Variants in SLC4A4 observed in about 807,000 individuals in gnomAD.
SLC4A4 encodes solute carrier family 4 member 4.
SLC4A4 carries 27 observed loss-of-function variants against 111.5 expected under a neutral mutation model. The ratio of observed to expected loss-of-function variants is 0.24; its 90% CI spans 0.18 to 0.33. The LOEUF (loss-of-function observed/expected upper bound fraction) is 0.33, where lower values mean the gene tolerates loss of function less well. Among genes scored for constraint, SLC4A4 ranks in the 10% least tolerant of loss-of-function variants. The pLI is 1.00. For missense variants in SLC4A4, 909 were observed against 1,315.5 expected, an observed-to-expected ratio of 0.69 and a Z score of 4.78; for synonymous variants, 443 against 463.4, an observed-to-expected ratio of 0.96 and a Z score of 0.57.
intron 7 of SLC4A4, among the ~76,000 whole-genome samples, chr4:71,423,252 A>G (rs566166251): frequency 1.3e-4 from 20 of 152,312 alleles, no homozygotes; most frequent in African/African-American, 4.6e-4. Context: ...CTTCAAAGAG[A>G]ATAAAATACC....
At chr4:71,380,236 A>G (rs1289775232) in intron 6 of SLC4A4, among the ~76,000 whole-genome samples, 2 of 152,178 alleles carry the variant, frequency 1.3e-5, no homozygotes, top group Non-Finnish European at 2.9e-5. Flanking sequence ...CATGACTGAG[A>G]TATCACAAAC....
At chr4:71,512,859 A>G (rs1465927480) in intron 16 of SLC4A4, among the ~76,000 whole-genome samples, 2 of 152,082 alleles carry the variant, frequency 1.3e-5, no homozygotes, top group African/African-American at 2.4e-5. Flanking sequence ...TGGGTATCCA[A>G]TTTTCCCAGC....
At chr4:71,286,004 C>T (rs568311447) in intron 3 of SLC4A4, among the ~76,000 whole-genome samples, 2 of 152,106 alleles carry the variant, frequency 1.3e-5, no homozygotes, top group Admixed American at 1.3e-4. Flanking sequence ...TTTGGGAGGC[C>T]GAGGTGGGTG....
chr4:71,320,267 T>C (rs1208193293), intron 3 of SLC4A4, among the ~76,000 whole-genome samples: 1 of 152,030 alleles, frequency 6.6e-6, no homozygotes, highest in Non-Finnish European at 1.5e-5. Context: ...ACTGGGTTGC[T>C]TTTATCTCAG....
chr4:71,236,014 A>G (rs938497251), intron 1 of SLC4A4: 42 of 987,960 alleles, frequency 4.3e-5, no homozygotes, highest in Non-Finnish European at 4.7e-5. Context: ...AACAGAGAAT[A>G]CTGGGCTGTG....
Position 71,560,080 on chromosome 4 carries a change from T to C in SLC4A4, c.2938-13T>C. 1 of 1,599,312 alleles carries C rather than the reference T, an allele frequency of 6.3e-7. No homozygotes were observed. Among genetic ancestry groups the C allele is most frequent in the Non-Finnish European group, 8.6e-7 (1 of 1,167,468 alleles). Reference sequence around the variant, plus strand: ...CATGGTTTCTTTCATACTTTTAATATTTGCTCTTTCAGATCTTGGCACTTG... The same window carrying C: ...CATGGTTTCTTTCATACTTTTAATACTTGCTCTTTCAGATCTTGGCACTTG... On this transcript the variant is annotated splice_polypyrimidine_tract_variant and intron_variant, in intron 22 of 25. Coordinates refer to ENST00000264485, the MANE Select transcript of SLC4A4 (RefSeq NM_001098484.3).
At chr4:71,414,453 GTGTT>G (rs1345859074) in intron 7 of SLC4A4, among the ~76,000 whole-genome samples, 1 of 152,232 alleles carries the variant, frequency 6.6e-6, no homozygotes, top group Non-Finnish European at 1.5e-5. Context: ...TTCTGCATAA[GTGTT>G]TGTCAATCCA....
At chr4:71,442,153 G>A (rs1409315380) in intron 8 of SLC4A4, among the ~76,000 whole-genome samples, 1 of 152,050 alleles carries the variant, frequency 6.6e-6, no homozygotes, top group Non-Finnish European at 1.5e-5. Context: ...TTCTTTAGAA[G>A]GTACAAATAA....
intron 7 of SLC4A4, among the ~76,000 whole-genome samples, chr4:71,405,054 G>A (rs1440414729): frequency 6.6e-6 from 1 of 151,734 alleles, no homozygotes. Flanking sequence ...GGGCTCAAGC[G>A]ATCTGCCTGT....
intron 15 of SLC4A4, among the ~76,000 whole-genome samples, chr4:71,490,878 C>T (rs1560555966): frequency 6.6e-6 from 1 of 151,746 alleles, no homozygotes; most frequent in Non-Finnish European, 1.5e-5. Flanking sequence ...ATGGCACACA[C>T]CTGTAGGGTT....
intron 3 of SLC4A4, among the ~76,000 whole-genome samples, chr4:71,311,273 TAGAC>T (rs1369592931): frequency 4.9e-4 from 74 of 152,198 alleles, no homozygotes; most frequent in Non-Finnish European, 1.8e-4. Flanking sequence ...CTGTCAATAT[TAGAC>T]AGATCAACGA....
intron 1 of SLC4A4, among the ~76,000 whole-genome samples, chr4:71,195,362 G>A (rs561665603): frequency 6.7e-6 from 1 of 149,784 alleles, no homozygotes; most frequent in East Asian, 2.0e-4. Context: ...AATAACATAA[G>A]TCAGTCTACA....
chr4:71,330,573 A>G (rs1479321916), intron 3 of SLC4A4, among the ~76,000 whole-genome samples: 2 of 152,240 alleles, frequency 1.3e-5, no homozygotes, highest in Non-Finnish European at 2.9e-5. Context: ...CACCTTATAC[A>G]AAAATTAATT....
At chr4:71,226,596 A>AAACAT (rs1560792851) in intron 1 of SLC4A4, among the ~76,000 whole-genome samples, 1 of 152,174 alleles carries the variant, frequency 6.6e-6, no homozygotes, top group African/African-American at 2.4e-5. Flanking sequence ...ATTCAACCAT[A>AAACAT]AACATAATAC....
At chr4:71,533,401 G>A (rs1348526395) in intron 17 of SLC4A4, among the ~76,000 whole-genome samples, 1 of 152,138 alleles carries the variant, frequency 6.6e-6, no homozygotes, top group Non-Finnish European at 1.5e-5. Flanking sequence ...TGATGGGAAT[G>A]TCCTCAGAAG....
At chr4:71,534,143 A>C in intron 17 of SLC4A4, 84 bp from the exon 18 acceptor site, 1 of 1,117,622 alleles carries the variant, frequency 8.9e-7, no homozygotes, top group Non-Finnish European at 1.4e-6. Flanking sequence ...CAAATATAAA[A>C]GCATGTCTTC....
At chr4:71,111,862 A>G (rs1250438297) in intron 2 of SLC4A4, among the ~76,000 whole-genome samples, 1 of 142,832 alleles carries the variant, frequency 7.0e-6, no homozygotes, top group African/African-American at 2.6e-5. Flanking sequence ...ACACTCAGCT[A>G]ATTTTTGTAT....
chr4:71,446,799 T>G lies in SLC4A4; in HGVS notation c.966-847T>G, dbSNP rs535795217. Among the ~76,000 whole-genome samples the G allele has an allele frequency of 4.6e-5, 7 of 152,348 alleles. No individual in the cohort carries two copies. The East Asian group carries it at 1.3e-3, about 29-fold the overall frequency. On this transcript the variant is annotated intron_variant, in intron 8 of 25. Transcript: ENST00000264485. ...GGTGGGATTTATCCCACGTCACCTT[T>G]TGTAGATTTTTTTGTAAATTTTTTC... is the stretch of plus-strand genomic sequence containing the variant.
chr4:71,474,897 T>C (rs1560540545), intron 14 of SLC4A4, among the ~76,000 whole-genome samples: 1 of 151,718 alleles, frequency 6.6e-6, no homozygotes, highest in Admixed American at 6.6e-5. Context: ...TTAGAATCAA[T>C]TAAATGTGCT....
Sources: allele counts gnomAD v4.1 joint callset (sites outside exome capture counted in the v4.1 genomes callset), GRCh38; gene constraint gnomAD v4.1.1; transcripts MANE v1.5; gene names NCBI Gene and HGNC (gene_info 2026-07-23, HGNC 2026-07-21).